Variants in NTM observed in about 807,000 individuals in gnomAD.
NTM encodes neurotrimin, also known as IgLON family member 2.
Under a neutral mutation model 42.1 loss-of-function variants are expected in NTM, and 13 were observed. The observed-to-expected ratio is 0.31, with a 90% confidence interval of 0.20 to 0.49. The LOEUF (loss-of-function observed/expected upper bound fraction) is 0.49, where lower values mean the gene tolerates loss of function less well. Among genes scored for constraint, NTM ranks in the 20% least tolerant of loss-of-function variants. The probability of loss-of-function intolerance (pLI) is 0.99; values close to 1 mark genes in which losing one functional copy is unlikely to be tolerated. For synonymous variants in NTM, 187 were observed against 179.2 expected, an observed-to-expected ratio of 1.04 and a Z score of -0.35; for missense variants, 373 against 452.8, an observed-to-expected ratio of 0.82 and a Z score of 1.60.
rs569801060 is a variant in NTM at position 131,644,977 on chromosome 11, T to C, written c.83-266587T>C. 2.6e-4 allele frequency among the ~76,000 whole-genome samples: 40 copies of C among 152,244 alleles called. 1 individual carries two copies. In the Middle Eastern group the frequency reaches 0.024, roughly 91 times the overall value. On this transcript the variant is annotated intron_variant, in intron 1 of 8. Coordinates refer to ENST00000683400, the MANE Select transcript of NTM (RefSeq NM_001352005.2). The stretch of plus-strand genomic sequence containing the variant: ...TTCGACAACAGGCAGGCTCACAGCA[T>C]TGCCAAGCGTGTACTCTGTCAAGCT...
intron 1 of NTM, among the ~76,000 whole-genome samples, chr11:131,550,896 C>T (rs569695065): frequency 8.5e-5 from 13 of 152,296 alleles, no homozygotes; most frequent in African/African-American, 1.4e-4. Flanking sequence ...CTTTTCTACA[C>T]GAAGTTACCG....
In NTM at chr11:132,002,602, T is replaced by C. The variant is rs1436605789; in HGVS notation, c.167+90954T>C. On this transcript the variant is annotated intron_variant, in intron 2 of 8. Coordinates refer to ENST00000683400, the MANE Select transcript of NTM (RefSeq NM_001352005.2). The surrounding 1 kb of genome is among the most constrained non-coding windows in gnomAD (Gnocchi z 4.5). ...GCCATTGCTTGAATAACTTTCTGCC[T>C]CTAGTATCCCCAAACTTATGTTTTG... Among the ~76,000 whole-genome samples, 1 of 152,232 alleles carries C rather than the reference T, an allele frequency of 6.6e-6. No homozygotes were observed. The highest frequency in any genetic ancestry group is 1.5e-5 in the Non-Finnish European group (1 of 68,050).
intron 2 of NTM, among the ~76,000 whole-genome samples, chr11:132,001,915 T>C (rs2069364296): frequency 6.6e-6 from 1 of 152,060 alleles, no homozygotes; most frequent in Admixed American, 6.6e-5. Context: ...ATTAGACAGG[T>C]ATGGATGGCC....
At chr11:131,913,510 C>T (rs754935087) in intron 2 of NTM, among the ~76,000 whole-genome samples, 6 of 152,178 alleles carry the variant, frequency 3.9e-5, no homozygotes, top group Non-Finnish European at 7.3e-5. Flanking sequence ...GAGGCTGAAT[C>T]ACGGGACAGG....
chr11:131,729,757 C>G (rs372288667), intron 1 of NTM, among the ~76,000 whole-genome samples: 1 of 152,036 alleles, frequency 6.6e-6, no homozygotes, highest in East Asian at 1.9e-4. Context: ...CACTTTTTTT[C>G]CTTTTATGGC....
At chr11:131,649,001 G>A (rs550503435) in intron 1 of NTM, among the ~76,000 whole-genome samples, 1 of 152,306 alleles carries the variant, frequency 6.6e-6, no homozygotes, top group East Asian at 1.9e-4. Context: ...TGAGAAAAAA[G>A]CAGGCCCCCT....
At chr11:132,297,878 C>T (rs769926603) in intron 4 of NTM, among the ~76,000 whole-genome samples, 4 of 152,154 alleles carry the variant, frequency 2.6e-5, no homozygotes, top group Non-Finnish European at 4.4e-5. Flanking sequence ...CACCAATGCA[C>T]GTATGCATAA....
chr11:132,054,744 CA>C (rs1292189152), intron 2 of NTM, among the ~76,000 whole-genome samples: 1 of 152,180 alleles, frequency 6.6e-6, no homozygotes, highest in Non-Finnish European at 1.5e-5. Context: ...TAAGCATTAT[CA>C]ATCTTGAATT....
At chr11:131,507,467 G>T (rs1185039778) in intron 1 of NTM, among the ~76,000 whole-genome samples, 1 of 152,066 alleles carries the variant, frequency 6.6e-6, no homozygotes, top group Non-Finnish European at 1.5e-5. Flanking sequence ...TAGCCTTGTA[G>T]TATAGTTTGA....
intron 4 of NTM, among the ~76,000 whole-genome samples, chr11:132,236,742 G>A (rs1329011792): frequency 6.6e-6 from 1 of 152,196 alleles, no homozygotes; most frequent in Non-Finnish European, 1.5e-5. Flanking sequence ...AGAAGTGTCC[G>A]AGAATTCTTT....
intron 1 of NTM, among the ~76,000 whole-genome samples, chr11:131,479,992 G>A (rs960003922): frequency 6.6e-6 from 1 of 152,054 alleles, no homozygotes; most frequent in South Asian, 2.1e-4. Context: ...CCTTTGGCCT[G>A]TGGCTCTGCT....
chr11:132,231,539 A>G (rs2087553576), intron 4 of NTM, among the ~76,000 whole-genome samples: 1 of 152,254 alleles, frequency 6.6e-6, no homozygotes, highest in African/African-American at 2.4e-5. Flanking sequence ...ATTGAAATTT[A>G]ACTGAAAGTA....
At chr11:131,562,391 A>G (rs2056348597) in intron 1 of NTM, among the ~76,000 whole-genome samples, 1 of 152,192 alleles carries the variant, frequency 6.6e-6, no homozygotes, top group African/African-American at 2.4e-5. Context: ...AAATATCAAA[A>G]TATGTCAGCA....
intron 3 of NTM, among the ~76,000 whole-genome samples, chr11:132,180,618 A>G (rs2077431535): frequency 6.6e-6 from 1 of 152,080 alleles, no homozygotes; most frequent in South Asian, 2.1e-4. Context: ...AAAAAACAAA[A>G]AACCCACAAA....
intron 2 of NTM, among the ~76,000 whole-genome samples, chr11:132,114,923 C>A (rs965871201): frequency 2.0e-5 from 3 of 152,160 alleles, no homozygotes; most frequent in African/African-American, 7.2e-5. Context: ...TGAGGACAAT[C>A]CTTTGGGATA....
intron 1 of NTM, among the ~76,000 whole-genome samples, chr11:131,800,769 C>A (rs540083758): frequency 1.1e-4 from 17 of 152,258 alleles, no homozygotes; most frequent in Admixed American, 3.3e-4. Context: ...AGCAATTTTC[C>A]TGCAGACATC....
At chr11:132,243,607 G>A (rs2090583223) in intron 4 of NTM, among the ~76,000 whole-genome samples, 1 of 152,188 alleles carries the variant, frequency 6.6e-6, no homozygotes, top group Non-Finnish European at 1.5e-5. Context: ...CTGGAGCAGG[G>A]GGCCAGGAAA....
intron 1 of NTM, among the ~76,000 whole-genome samples, chr11:131,855,959 C>A (rs2046052749): frequency 6.6e-6 from 1 of 152,200 alleles, no homozygotes; most frequent in Admixed American, 6.5e-5. Flanking sequence ...ATGGCCTACC[C>A]TGTTCTCTGC....
chr11:132,300,673 G>T (rs1157479649), intron 4 of NTM, among the ~76,000 whole-genome samples: 2 of 152,170 alleles, frequency 1.3e-5, no homozygotes, highest in African/African-American at 4.8e-5. Flanking sequence ...TATGTGGGTA[G>T]CTCCCATGTC....
Sources: gnomAD v4.1 joint callset for allele counts (sites outside exome capture counted in the v4.1 genomes callset) on GRCh38, gnomAD v4.1.1 for gene constraint, Gnocchi (gnomAD v3.1) non-coding constraint, MANE v1.5 for transcripts, NCBI Gene and HGNC (gene_info 2026-07-23, HGNC 2026-07-21) for gene names.